SLC1A2: variants seen among roughly 807,000 people sequenced by gnomAD.
SLC1A2 encodes excitatory amino acid transporter 2.
In SLC1A2, 15 loss-of-function variants were observed where a neutral mutation model predicts 48.8. The ratio of observed to expected loss-of-function variants is 0.31; its 90% CI spans 0.21 to 0.47. SLC1A2 has a LOEUF of 0.47. SLC1A2 is among the 20% of genes least tolerant of loss of function. The pLI, the probability that SLC1A2 is intolerant of heterozygous loss-of-function variation, is 0.99. For missense variants in SLC1A2, 502 were observed against 730.5 expected, an observed-to-expected ratio of 0.69 and a Z score of 3.61; for synonymous variants, 279 against 272.6, an observed-to-expected ratio of 1.02 and a Z score of -0.23.
intron 1 of SLC1A2, among the ~76,000 whole-genome samples, chr11:35,371,716 A>G (rs191337631): frequency 6.6e-6 from 1 of 152,050 alleles, no homozygotes; most frequent in African/African-American, 2.4e-5. Flanking sequence ...TGCTACTCAG[A>G]GTGCACCCAA....
intron 1 of SLC1A2, among the ~76,000 whole-genome samples, chr11:35,321,777 C>CG (rs1279940596): frequency 6.6e-6 from 1 of 152,102 alleles, no homozygotes; most frequent in Non-Finnish European, 1.5e-5. Flanking sequence ...GGAAGTCCAC[C>CG]GGATACACAG....
intron 1 of SLC1A2, among the ~76,000 whole-genome samples, chr11:35,413,295 G>A (rs1565312306): frequency 6.6e-6 from 1 of 152,214 alleles, no homozygotes; most frequent in Admixed American, 6.5e-5. Context: ...ATGGATCCCA[G>A]AGCCAGGATG....
At chr11:35,274,848 C>G (rs1850389071) in intron 9 of SLC1A2, among the ~76,000 whole-genome samples, 1 of 152,186 alleles carries the variant, frequency 6.6e-6, no homozygotes, top group Non-Finnish European at 1.5e-5. Flanking sequence ...GGAGCACTCA[C>G]TAAGTATTAG....
intron 1 of SLC1A2, among the ~76,000 whole-genome samples, chr11:35,382,998 A>G (rs553269564): frequency 1.6e-4 from 24 of 152,198 alleles, no homozygotes; most frequent in Non-Finnish European, 2.8e-4. Context: ...AAATTATCAG[A>G]CATATAGAAA....
intron 1 of SLC1A2, among the ~76,000 whole-genome samples, chr11:35,351,033 G>A (rs1853231297): frequency 6.6e-6 from 1 of 152,216 alleles, no homozygotes; most frequent in South Asian, 2.1e-4. Context: ...AGCTGACCCA[G>A]TCCTTGTTGG....
At chr11:35,286,693 A>G (rs948006954) in intron 8 of SLC1A2, 64 bp downstream of exon 8, 1 of 1,225,360 alleles carries the variant, frequency 8.2e-7, no homozygotes, top group African/African-American at 1.5e-5. Flanking sequence ...CCTCTGTCAC[A>G]TGGAGTTAGT....
chr11:35,333,348 C>T (rs1245711532), intron 1 of SLC1A2, among the ~76,000 whole-genome samples: 8 of 150,064 alleles, frequency 5.3e-5, no homozygotes, highest in Non-Finnish European at 8.9e-5. Context: ...ACCTGGGAGG[C>T]GGAGGCAGCA....
At chr11:35,398,022 C>A (rs186624984) in intron 1 of SLC1A2, among the ~76,000 whole-genome samples, 1 of 152,272 alleles carries the variant, frequency 6.6e-6, no homozygotes, top group Non-Finnish European at 1.5e-5. Flanking sequence ...GTCCAGCAGC[C>A]AGCAGCACAG....
intron 9 of SLC1A2, among the ~76,000 whole-genome samples, chr11:35,269,154 C>A (rs1451872649): frequency 6.6e-6 from 1 of 152,150 alleles, no homozygotes; most frequent in Non-Finnish European, 1.5e-5. Context: ...GGCCCTTCTA[C>A]CATGTGAGGC....
chr11:35,328,614 C>G (rs1852323746), intron 1 of SLC1A2, among the ~76,000 whole-genome samples: 2 of 152,204 alleles, frequency 1.3e-5, no homozygotes, highest in South Asian at 4.1e-4. Context: ...AGCCCACTCT[C>G]CCTCCAGCCC....
At chr11:35,368,420 C>T (rs964781352) in intron 1 of SLC1A2, among the ~76,000 whole-genome samples, 4 of 152,192 alleles carry the variant, frequency 2.6e-5, no homozygotes, top group Non-Finnish European at 5.9e-5. Context: ...TCCCTACCTC[C>T]TAAAGACTTT....
chr11:35,275,037 A>G (rs767659670), intron 9 of SLC1A2, among the ~76,000 whole-genome samples: 1 of 152,206 alleles, frequency 6.6e-6, no homozygotes. Flanking sequence ...GCATCATCAG[A>G]ATCACCTGGG....
intron 1 of SLC1A2, among the ~76,000 whole-genome samples, chr11:35,330,455 C>T (rs994914120): frequency 5.3e-5 from 8 of 152,276 alleles, no homozygotes; most frequent in African/African-American, 1.9e-4. Context: ...CATTTATTGA[C>T]TTTTTATTCT....
intron 1 of SLC1A2, among the ~76,000 whole-genome samples, chr11:35,351,628 T>A (rs1170159053): frequency 1.3e-5 from 2 of 152,144 alleles, no homozygotes; most frequent in South Asian, 2.1e-4. Flanking sequence ...TTTTATTTTT[T>A]ATTTTTATTT....
intron 1 of SLC1A2, among the ~76,000 whole-genome samples, chr11:35,390,027 T>C (rs940926030): frequency 6.6e-6 from 1 of 152,216 alleles, no homozygotes; most frequent in Non-Finnish European, 1.5e-5. Flanking sequence ...GAAACTTTGA[T>C]TTGTATTTTT....
chr11:35,413,118 T>G (rs1474246499), intron 1 of SLC1A2, among the ~76,000 whole-genome samples: 1 of 152,204 alleles, frequency 6.6e-6, no homozygotes, highest in Admixed American at 6.5e-5. Flanking sequence ...TCTCAATAAC[T>G]TCCTTGGAAA....
chr11:35,369,091 A>G (rs900767745), intron 1 of SLC1A2, among the ~76,000 whole-genome samples: 1 of 152,166 alleles, frequency 6.6e-6, no homozygotes, highest in Non-Finnish European at 1.5e-5. Flanking sequence ...AGCTCATACT[A>G]CATATGCTGC....
At chr11:35,261,892 C>T (rs557129356) in intron 10 of SLC1A2, 15 of 395,484 alleles carry the variant, frequency 3.8e-5, no homozygotes, top group East Asian at 1.1e-4. Context: ...TGCCCTTCAA[C>T]GAATCAAGCA....
intron 1 of SLC1A2, among the ~76,000 whole-genome samples, chr11:35,338,422 C>T (rs760801641): frequency 1.3e-5 from 2 of 152,072 alleles, no homozygotes; most frequent in Non-Finnish European, 2.9e-5. Context: ...TGGAACTGAC[C>T]CATGCCCATC....
Sources: gnomAD v4.1 joint callset for allele counts (sites outside exome capture counted in the v4.1 genomes callset) on GRCh38, gnomAD v4.1.1 for gene constraint, MANE v1.5 for transcripts, NCBI Gene and HGNC (gene_info 2026-07-23, HGNC 2026-07-21) for gene names.